Variants in DNAJC21 observed in about 807,000 individuals in gnomAD.
DNAJC21 encodes the protein dnaJ homolog subfamily C member 21.
In DNAJC21, 63 loss-of-function variants were observed where a neutral mutation model predicts 72.4. The ratio of observed to expected loss-of-function variants is 0.87; its 90% CI spans 0.71 to 1.07. The LOEUF is 1.07. Among genes scored for constraint, DNAJC21 ranks in the 50% least tolerant of loss-of-function variants. The probability of loss-of-function intolerance (pLI) is 0.00; values close to 1 mark genes in which losing one functional copy is unlikely to be tolerated. For missense variants in DNAJC21, 634 were observed against 644.8 expected (o/e 0.98, Z 0.18); for synonymous variants, 203 against 216.7 (o/e 0.94, Z 0.56).
chr5:34,952,642 A>G (rs958816521), intron 10 of DNAJC21: 42 of 152,328 alleles, frequency 2.8e-4, no homozygotes, highest in African/African-American at 1.0e-3. Flanking sequence ...CAGGAGTTCA[A>G]GCAGAACAAG....
Position 34,935,823 on chromosome 5 carries a change from A to T in DNAJC21, c.305A>T (p.Asp102Val). ...FTVTCYSGYG[D>V]DEKGFYTVYR... is the part of the protein sequence containing the mutation. ...GTTACCTGTTATTCTGGTTATGGAGATGATGAAAAGGTAAGATAAATGAAC... is the reference window on the plus strand; with the variant it reads ...GTTACCTGTTATTCTGGTTATGGAGTTGATGAAAAGGTAAGATAAATGAAC... Residue 102 changes from aspartate (D) to valine (V), a missense_variant, in exon 3 of 12, where the codon GAT becomes GTT. Asp to Val is a radical substitution (Grantham distance 152). Coordinates refer to ENST00000648817, the MANE Select transcript of DNAJC21 (RefSeq NM_001012339.3). The T allele has an allele frequency of 6.2e-7, 1 of 1,613,918 alleles. No individual in the cohort carries two copies.
At chr5:34,938,207 G>T (rs896253091) in intron 5 of DNAJC21, among the ~76,000 whole-genome samples, 1 of 152,144 alleles carries the variant, frequency 6.6e-6, no homozygotes, top group African/African-American at 2.4e-5. Context: ...AGCGTTAATT[G>T]AATTCTTCCT....
chr5:34,951,919 A>G, intron 10 of DNAJC21: 1 of 985,454 alleles, frequency 1.0e-6, no homozygotes, highest in Non-Finnish European at 1.2e-6. Flanking sequence ...AATTTCACTG[A>G]TGTGAGGAAA....
chr5:34,950,836 G>C (rs1454735331), intron 10 of DNAJC21: 1 of 985,708 alleles, frequency 1.0e-6, no homozygotes, highest in Non-Finnish European at 1.2e-6. Context: ...GTGTGGACTA[G>C]GAGGAGGTCT....
In DNAJC21 at chr5:34,950,263, T is replaced by C. The variant is rs1337228587; in HGVS notation, c.1279T>C (p.Leu427=). The change falls in exon 10 of 12, where the codon TTG becomes CTG. Residue 427 remains leucine, a synonymous_variant. Transcript: ENST00000648817. ...CTTAAATCAAGACAGTGCCAAAGAA[T>C]TGGAAGATAGTCCCCAGGAAAATGT... ...TNLNQDSAKE[L]EDSPQENVSV... The C allele has an allele frequency of 6.2e-7, 1 of 1,613,776 alleles. No individual in the cohort carries two copies. The highest frequency in any genetic ancestry group is 8.5e-7 in the Non-Finnish European group (1 of 1,179,928).
At position 34,934,000 on chromosome 5, in the gene DNAJC21, A is replaced by G. The variant is rs1042323118; in HGVS notation, c.191+92A>G. ...TGTTTTTTCAAATTTAGTACATTAA[A>G]TGGTTTTTGGTGTGTTCTGAAACAT... On this transcript the variant is annotated intron_variant, in intron 2 of 11. Transcript: ENST00000648817. 4 of 1,151,034 alleles carry G rather than the reference A, an allele frequency of 3.5e-6. No individual in the cohort carries two copies. The South Asian group carries it at 6.0e-5, about 17-fold the overall frequency. 71.3% of individuals were successfully genotyped at this position (1,151,034 alleles called of 1,614,324 possible). A position where few individuals can be genotyped will look rare whatever the true frequency, so the allele number is the denominator to read the frequency against.
At chr5:34,952,802 C>CA (rs1485043637) in intron 10 of DNAJC21, 1 of 152,120 alleles carries the variant, frequency 6.6e-6, no homozygotes, top group Non-Finnish European at 1.5e-5. Context: ...GTCTTTGTTT[C>CA]ACTCATTTCT....
rs772450417 is a variant in DNAJC21, at chr5:34,958,307, C to G, written c.*3593C>G. On this transcript the variant is annotated 3_prime_UTR_variant, in exon 12 of 12. Transcript: ENST00000648817. ...TAGAGGTCAGTCAAGGGATCCCTGACGAGAATAAAGAGCCCAGAAACAGGT... is the reference window on the plus strand; with the variant it reads ...TAGAGGTCAGTCAAGGGATCCCTGAGGAGAATAAAGAGCCCAGAAACAGGT... 14 of 152,028 alleles carry G rather than the reference C, an allele frequency of 9.2e-5. No homozygotes were observed. The highest frequency in any genetic ancestry group is 1.6e-4 in the Non-Finnish European group (11 of 68,014). 9.4% of individuals were successfully genotyped at this position (152,028 alleles called of 1,614,324 possible).
chr5:34,939,137 GGTA>G, intron 6 of DNAJC21, 128 bp downstream of exon 6: 1 of 851,282 alleles, frequency 1.2e-6, no homozygotes, highest in Non-Finnish European at 1.7e-6. Flanking sequence ...ATGGGCCAAA[GGTA>G]GTCGGCTGAG....
intron 10 of DNAJC21, chr5:34,950,901 C>G: frequency 1.0e-6 from 1 of 985,584 alleles, no homozygotes; most frequent in South Asian, 4.7e-5. Context: ...GTCTGACTTT[C>G]TTTTCCCCAT....
intron 1 of DNAJC21, among the ~76,000 whole-genome samples, chr5:34,930,698 AGGCTTTCATATT>A (rs1764561700): frequency 1.3e-5 from 2 of 152,210 alleles, no homozygotes; most frequent in African/African-American, 4.8e-5. Context: ...TCATATGAAG[AGGCTTTCATATT>A]AGCATTCATC....
At position 34,936,185 on chromosome 5, in the gene DNAJC21, C is replaced by A. The variant is rs1764767903; in HGVS notation, c.357C>A (p.Ala119=). Residue 119 remains alanine, a synonymous_variant, in exon 4 of 12, where the codon GCC becomes GCA. Coordinates refer to ENST00000648817, the MANE Select transcript of DNAJC21 (RefSeq NM_001012339.3). ...TVYRNVFEMI[A]KEELESVLEE... ...ATCGTAATGTTTTTGAAATGATTGC[C>A]AAGGAAGAACTAGAATCTGTGTTAG... 6.2e-7 allele frequency: 1 copy of A among 1,613,762 alleles called. No individual in the cohort carries two copies. Among genetic ancestry groups the A allele is most frequent in the South Asian group, 1.1e-5 (1 of 91,058 alleles).
intron 9 of DNAJC21, among the ~76,000 whole-genome samples, chr5:34,947,895 T>C (rs901904068): frequency 6.6e-6 from 1 of 152,120 alleles, no homozygotes; most frequent in African/African-American, 2.4e-5. Flanking sequence ...CTAGTTATAG[T>C]TCATAATCAA....
chr5:34,931,805 C>T (rs975926061), intron 1 of DNAJC21, among the ~76,000 whole-genome samples: 1 of 151,856 alleles, frequency 6.6e-6, no homozygotes, highest in Admixed American at 6.6e-5. Context: ...AGGGGGAAAG[C>T]GCAAGGGGAG....
At chr5:34,949,168 TTAA>T (rs1192103765) in intron 9 of DNAJC21, among the ~76,000 whole-genome samples, 3 of 152,284 alleles carry the variant, frequency 2.0e-5, no homozygotes, top group Non-Finnish European at 2.9e-5. Flanking sequence ...ATGATCAAAC[TTAA>T]TAATATCACT....
chr5:34,937,187 C>A, intron 4 of DNAJC21, 139 bp from the exon 5 acceptor site: 1 of 869,718 alleles, frequency 1.1e-6, no homozygotes, highest in Non-Finnish European at 1.7e-6. Flanking sequence ...CTTAAAAGTA[C>A]TGTCTTCTCC....
chr5:34,947,605 A>C (rs1765212026), intron 9 of DNAJC21, among the ~76,000 whole-genome samples: 2 of 147,892 alleles, frequency 1.4e-5, no homozygotes, highest in Admixed American at 1.4e-4. Flanking sequence ...TTTGTATATG[A>C]TTCAAGGAGA....
intron 2 of DNAJC21, among the ~76,000 whole-genome samples, chr5:34,935,064 G>A (rs1309054130): frequency 1.3e-5 from 2 of 152,144 alleles, no homozygotes; most frequent in East Asian, 3.9e-4. Flanking sequence ...CTCTTGCCTA[G>A]TAACTCTCTT....
At chr5:34,951,786 A>C (rs930017130) in intron 10 of DNAJC21, 1 of 984,896 alleles carries the variant, frequency 1.0e-6, no homozygotes, top group African/African-American at 1.7e-5. Flanking sequence ...GGCCTACCAA[A>C]GTGCTGGGAT....
Sources: gnomAD v4.1 joint callset for allele counts (sites outside exome capture counted in the v4.1 genomes callset) on GRCh38, gnomAD v4.1.1 for gene constraint, MANE v1.5 for transcripts, NCBI Gene and HGNC (gene_info 2026-07-23, HGNC 2026-07-21) for gene names.